ARMC9: variants seen among roughly 807,000 people sequenced by gnomAD.
The protein encoded by ARMC9 is armadillo repeat containing 9.
In ARMC9, 94 loss-of-function variants were observed where a neutral mutation model predicts 107.0. That is an observed-to-expected ratio of 0.88 (90% confidence interval 0.74 to 1.04). ARMC9 has a LOEUF of 1.04. Ranked by LOEUF, ARMC9 falls within the 50% of genes least tolerant of loss-of-function variation. The pLI is 0.00. For missense variants in ARMC9, 942 were observed against 1,030.1 expected (o/e 0.91, Z 1.17); for synonymous variants, 380 against 396.9 (o/e 0.96, Z 0.51).
At chr2:231,228,367 C>T (rs190249840) in intron 7 of ARMC9, among the ~76,000 whole-genome samples, 2 of 152,192 alleles carry the variant, frequency 1.3e-5, no homozygotes, top group Admixed American at 6.5e-5. Flanking sequence ...TGCAGTCAGG[C>T]GGAGCGGCCT....
chr2:231,232,746 C>T (rs903056092), intron 7 of ARMC9, among the ~76,000 whole-genome samples: 16 of 151,344 alleles, frequency 1.1e-4, no homozygotes, highest in Non-Finnish European at 1.2e-4. Context: ...CCACTGCGCC[C>T]GGCCTTTGCC....
chr2:231,280,347 A>G (rs2040111427), intron 16 of ARMC9, among the ~76,000 whole-genome samples: 1 of 152,106 alleles, frequency 6.6e-6, no homozygotes, highest in African/African-American at 2.4e-5. Context: ...AATCCTAGCT[A>G]CTCAGGAGGC....
chr2:231,257,005 G>T (rs2037885153), intron 10 of ARMC9, among the ~76,000 whole-genome samples: 1 of 152,152 alleles, frequency 6.6e-6, no homozygotes, highest in African/African-American at 2.4e-5. Flanking sequence ...AATAAAGACG[G>T]GTTTTCTCCA....
At chr2:231,353,341 C>T (rs1387706911) in intron 21 of ARMC9, among the ~76,000 whole-genome samples, 11 of 123,794 alleles carry the variant, frequency 8.9e-5, no homozygotes, top group Non-Finnish European at 1.5e-5. Context: ...CGCCTACCAC[C>T]ACGCCCGGCT....
intron 24 of ARMC9, 29 bp downstream of exon 24, chr2:231,370,154 G>A (rs903516570): frequency 6.7e-7 from 1 of 1,484,958 alleles, no homozygotes. Flanking sequence ...CACTGGCGTG[G>A]GAGCCTGGCC....
chr2:231,329,222 C>A (rs2043552832), intron 19 of ARMC9, among the ~76,000 whole-genome samples: 1 of 152,088 alleles, frequency 6.6e-6, no homozygotes, highest in East Asian at 1.9e-4. Context: ...TTCCTTTACA[C>A]CTGTAAATAA....
intron 8 of ARMC9, among the ~76,000 whole-genome samples, chr2:231,236,937 A>C (rs2035767106): frequency 6.6e-6 from 1 of 152,190 alleles, no homozygotes; most frequent in South Asian, 2.1e-4. Context: ...CTGTGTCTCA[A>C]ATAAATAAAT....
chr2:231,320,382 G>T (rs555550465), intron 19 of ARMC9, among the ~76,000 whole-genome samples: 4 of 152,264 alleles, frequency 2.6e-5, no homozygotes, highest in African/African-American at 9.6e-5. Context: ...ACACTTTCTT[G>T]CTCCCCATCA....
At chr2:231,356,958 A>G (rs2045367591) in intron 22 of ARMC9, among the ~76,000 whole-genome samples, 1 of 152,140 alleles carries the variant, frequency 6.6e-6, no homozygotes, top group Non-Finnish European at 1.5e-5. Context: ...ATTCAGGGTA[A>G]CGTAGCGGTA....
intron 12 of ARMC9, among the ~76,000 whole-genome samples, chr2:231,262,742 T>G (rs2038492815): frequency 6.6e-6 from 1 of 152,218 alleles, no homozygotes. Context: ...GTTGTTTACA[T>G]CTGGGCCTGA....
intron 19 of ARMC9, among the ~76,000 whole-genome samples, chr2:231,328,479 A>G (rs1380839270): frequency 1.3e-5 from 2 of 152,228 alleles, no homozygotes; most frequent in East Asian, 1.9e-4. Context: ...GTTTAAGTCC[A>G]TGATTCATTT....
At chr2:231,227,301 C>A (rs1379114458) in intron 7 of ARMC9, among the ~76,000 whole-genome samples, 4 of 152,102 alleles carry the variant, frequency 2.6e-5, no homozygotes, top group Non-Finnish European at 5.9e-5. Context: ...ATTGTTTTTA[C>A]CAGAACTGTT....
rs1238042055 is a variant in ARMC9 at position 231,360,716 on chromosome 2, G to A, written c.2132-38G>A. 22 of 1,536,028 alleles carry A rather than the reference G, an allele frequency of 1.4e-5. No homozygotes were observed. In the East Asian group the frequency reaches 5.1e-4, roughly 36 times the overall value. Reference sequence around the variant, plus strand: ...AGAGGGCATCCTTAGAGGGGCTCCAGAGCAGATGTGGACTGAACTTTCTCT... The same window carrying A: ...AGAGGGCATCCTTAGAGGGGCTCCAAAGCAGATGTGGACTGAACTTTCTCT... On this transcript the variant is annotated intron_variant, in intron 22 of 24. Coordinates refer to ENST00000611582, the MANE Select transcript of ARMC9 (RefSeq NM_001352754.2). This position sits in a 1 kb window ranked among gnomAD's most constrained non-coding sequence, Gnocchi z 4.7.
chr2:231,228,993 A>G (rs2034947268), intron 7 of ARMC9, among the ~76,000 whole-genome samples: 1 of 152,128 alleles, frequency 6.6e-6, no homozygotes, highest in Non-Finnish European at 1.5e-5. Flanking sequence ...GAATGCAAAT[A>G]AAAGAATTGT....
intron 19 of ARMC9, among the ~76,000 whole-genome samples, chr2:231,316,563 C>G (rs763748586): frequency 6.6e-6 from 1 of 151,236 alleles, no homozygotes; most frequent in African/African-American, 2.4e-5. Context: ...GTGGGAGAAT[C>G]GCTTGAACCC....
intron 5 of ARMC9, among the ~76,000 whole-genome samples, chr2:231,220,852 A>G (rs1313726171): frequency 1.3e-5 from 2 of 152,236 alleles, no homozygotes; most frequent in Non-Finnish European, 2.9e-5. Flanking sequence ...TTGAAAACAC[A>G]TATTTGTTGG....
Position 231,374,201 on chromosome 2 carries a change from G to C in ARMC9, c.*2666G>C, listed in dbSNP as rs1011166953. 1.3e-5 allele frequency: 2 copies of C among 152,180 alleles called. No homozygotes were observed. Among genetic ancestry groups the C allele is most frequent in the Admixed American group, 1.3e-4 (2 of 15,276 alleles). 9.4% of individuals were successfully genotyped at this position (152,180 alleles called of 1,614,324 possible). A position where few individuals can be genotyped will look rare whatever the true frequency, so the allele number is the denominator to read the frequency against. On this transcript the variant is annotated 3_prime_UTR_variant, in exon 25 of 25. Transcript: ENST00000611582. ...TTTAAAGGCCAGATCTCCAGATGGA[G>C]ATCCAAGCAGATGGCGCCTAAGGTT... is the stretch of plus-strand genomic sequence containing the variant.
intron 12 of ARMC9, among the ~76,000 whole-genome samples, chr2:231,263,905 T>C (rs1408917953): frequency 1.3e-5 from 2 of 152,224 alleles, no homozygotes; most frequent in Non-Finnish European, 2.9e-5. Flanking sequence ...CAATACTGAT[T>C]ATTTCTAACA....
intron 11 of ARMC9, among the ~76,000 whole-genome samples, chr2:231,260,484 C>A (rs1433349279): frequency 6.6e-6 from 1 of 152,200 alleles, no homozygotes; most frequent in East Asian, 1.9e-4. Context: ...GCATCAGGAT[C>A]CTTAGCAATT....
Sources: gnomAD v4.1 joint callset for allele counts (sites outside exome capture counted in the v4.1 genomes callset) on GRCh38, gnomAD v4.1.1 for gene constraint, Gnocchi (gnomAD v3.1) non-coding constraint, MANE v1.5 for transcripts, NCBI Gene and HGNC (gene_info 2026-07-23, HGNC 2026-07-21) for gene names.